TBC1D22B: variants seen among roughly 807,000 people sequenced by gnomAD.
TBC1D22B encodes TBC1 domain family member 22B.
TBC1D22B carries 32 observed loss-of-function variants against 69.1 expected under a neutral mutation model. The observed-to-expected ratio is 0.46, with a 90% CI of 0.35 to 0.62. The LOEUF (loss-of-function observed/expected upper bound fraction) is 0.62. Ranked by LOEUF, TBC1D22B falls within the 20% of genes least tolerant of loss-of-function variation. The probability of loss-of-function intolerance (pLI) is 0.00; values close to 1 mark genes in which losing one functional copy is unlikely to be tolerated. For missense variants in TBC1D22B, 462 were observed against 630.9 expected (o/e 0.73, Z 2.87); for synonymous variants, 206 against 229.8 (o/e 0.90, Z 0.94).
chr6:37,266,333 C>G (rs1007817228), intron 1 of TBC1D22B, among the ~76,000 whole-genome samples: 1 of 152,052 alleles, frequency 6.6e-6, no homozygotes, highest in Non-Finnish European at 1.5e-5. Context: ...GATACATAGA[C>G]CTAATCATAC....
In TBC1D22B at chr6:37,267,339, TA is replaced by T. The variant is rs1297519369; in HGVS notation, c.57-2253del. On this transcript the variant is annotated intron_variant, in intron 1 of 12. Transcript: ENST00000373491. ...ATATATATATACACACACACATATA[TA>T]ATATATATATACACACATATATAAT... 7.8e-3 allele frequency among the ~76,000 whole-genome samples: 1,065 copies of T among 136,610 alleles called. 38 individuals are homozygous for T. Among genetic ancestry groups the T allele is most frequent in the African/African-American group, 0.028 (911 of 32,792 alleles). The allele number at this position is 136,610 out of a possible 152,430, so 89.6% of individuals were successfully genotyped here.
intron 2 of TBC1D22B, among the ~76,000 whole-genome samples, chr6:37,277,323 G>C (rs146876730): frequency 1.8e-4 from 27 of 152,248 alleles, no homozygotes; most frequent in African/African-American, 6.5e-4. Flanking sequence ...GTTTGTTCTC[G>C]ACAGCGAATC....
intron 8 of TBC1D22B, among the ~76,000 whole-genome samples, chr6:37,296,851 C>T (rs1036174395): frequency 1.3e-5 from 2 of 149,764 alleles, no homozygotes; most frequent in African/African-American, 2.5e-5. Context: ...TTTTTTGAGA[C>T]AGTCTCACTC....
chr6:37,312,821 C>A, intron 8 of TBC1D22B, 97 bp from the exon 9 acceptor site: 1 of 973,408 alleles, frequency 1.0e-6, no homozygotes, highest in Non-Finnish European at 1.6e-6. Context: ...CTGGTCCTCA[C>A]TTGGCCTTAA....
intron 12 of TBC1D22B, among the ~76,000 whole-genome samples, chr6:37,322,265 C>T (rs1391345258): frequency 2.0e-5 from 3 of 152,166 alleles, no homozygotes; most frequent in Non-Finnish European, 2.9e-5. Context: ...AGGCCAGGCA[C>T]GGTGGCTTAT....
At chr6:37,304,935 G>A (rs1350744291) in intron 8 of TBC1D22B, among the ~76,000 whole-genome samples, 1 of 152,238 alleles carries the variant, frequency 6.6e-6, no homozygotes, top group East Asian at 1.9e-4. Context: ...GCAAGTGTGG[G>A]AGCAGGAGGC....
intron 8 of TBC1D22B, among the ~76,000 whole-genome samples, chr6:37,292,808 C>T (rs1767229039): frequency 6.6e-6 from 1 of 152,170 alleles, no homozygotes. Flanking sequence ...TCTTCACTTT[C>T]TTCAAGTGCC....
chr6:37,310,324 AAAG>A (rs1767865974), intron 8 of TBC1D22B, among the ~76,000 whole-genome samples: 4 of 151,790 alleles, frequency 2.6e-5, no homozygotes, highest in South Asian at 2.1e-4. Flanking sequence ...AAAATAATAA[AAAG>A]AATAATAGGA....
chr6:37,279,413 G>T lies in TBC1D22B; in HGVS notation c.223G>T (p.Asp75Tyr). The change falls in exon 3 of 13, where the codon GAT becomes TAT. Residue 75 changes from aspartate to tyrosine, a missense_variant. Asp to Tyr is a radical substitution (Grantham distance 160). Around this residue, in one of 2 missense-constraint regions of TBC1D22B, gnomAD observed 237 missense variants for 255.4 expected, o/e 0.93. Coordinates refer to ENST00000373491, the MANE Select transcript of TBC1D22B (RefSeq NM_017772.4). ...NTSDAWDIGDDEEEDFSSPSF... is the reference protein window; with the variant it reads ...NTSDAWDIGDYEEEDFSSPSF... ...CAGTGATGCTTGGGACATTGGCGATGATGAGGAAGAGGACTTTTCCTCACC... is the reference window on the plus strand; with the variant it reads ...CAGTGATGCTTGGGACATTGGCGATTATGAGGAAGAGGACTTTTCCTCACC... 1 of 1,614,198 alleles carries T rather than the reference G, an allele frequency of 6.2e-7. No homozygotes were observed. The highest frequency in any genetic ancestry group is 8.5e-7 in the Non-Finnish European group (1 of 1,180,032).
chr6:37,327,802 G>A (rs1768472356), intron 12 of TBC1D22B, among the ~76,000 whole-genome samples: 1 of 152,116 alleles, frequency 6.6e-6, no homozygotes. Context: ...CAACCATGGA[G>A]GGGAGAGTGG....
At chr6:37,331,018 T>C in intron 12 of TBC1D22B, 26 bp from the exon 13 acceptor site, 1 of 1,613,328 alleles carries the variant, frequency 6.2e-7, no homozygotes, top group Non-Finnish European at 8.5e-7. Flanking sequence ...TCTGGTATGA[T>C]ATAAAAGTCC....
intron 10 of TBC1D22B, among the ~76,000 whole-genome samples, chr6:37,315,611 C>T (rs970665575): frequency 9.9e-5 from 15 of 151,710 alleles, no homozygotes; most frequent in Admixed American, 2.0e-4. Context: ...GAGTCTTGCT[C>T]TGTCGCCCAG....
At chr6:37,258,021 C>T (rs1295047374) in intron 1 of TBC1D22B, 48 bp downstream of exon 1, 8 of 1,596,682 alleles carry the variant, frequency 5.0e-6, no homozygotes, top group East Asian at 2.3e-5. Context: ...CAAACCCTTC[C>T]AGATCCTAAT....
At chr6:37,287,113 A>G (rs781690284) in intron 7 of TBC1D22B, 41 bp downstream of exon 7, 13 of 1,540,042 alleles carry the variant, frequency 8.4e-6, no homozygotes, top group South Asian at 3.6e-5. Flanking sequence ...TTCTCCCCGC[A>G]TAGTTCTGTG....
intron 8 of TBC1D22B, among the ~76,000 whole-genome samples, chr6:37,297,459 A>T (rs1050272428): frequency 5.9e-5 from 9 of 152,200 alleles, no homozygotes; most frequent in African/African-American, 9.7e-5. Flanking sequence ...TTTAAGGTAG[A>T]TGTATCAAGC....
chr6:37,292,387 G>A (rs1767213789), intron 8 of TBC1D22B, among the ~76,000 whole-genome samples: 2 of 152,124 alleles, frequency 1.3e-5, no homozygotes, highest in Admixed American at 6.5e-5. Flanking sequence ...GGCTCAAAGG[G>A]ATGATGAGGT....
rs891061310 is a variant in TBC1D22B, at chr6:37,313,800, T to C, written c.1090-16T>C. Reference sequence around the variant, plus strand: ...GTTAGAGTCCATGTTCATCCTGGGCTCTGTGTCATTTGCAGGATAACTACA... The same window carrying C: ...GTTAGAGTCCATGTTCATCCTGGGCCCTGTGTCATTTGCAGGATAACTACA... On this transcript the variant is annotated splice_polypyrimidine_tract_variant and intron_variant, in intron 9 of 12. Transcript: ENST00000373491. 6 of 1,613,212 alleles carry C rather than the reference T, an allele frequency of 3.7e-6. No homozygotes were observed. The highest frequency in any genetic ancestry group is 5.1e-6 in the Non-Finnish European group (6 of 1,179,250).
At chr6:37,263,368 A>G (rs1766169270) in intron 1 of TBC1D22B, among the ~76,000 whole-genome samples, 1 of 152,272 alleles carries the variant, frequency 6.6e-6, no homozygotes, top group African/African-American at 2.4e-5. Flanking sequence ...AGCAAGATGT[A>G]GAAAGATATG....
chr6:37,291,411 T>C (rs982198143), intron 8 of TBC1D22B, 54 bp downstream of exon 8: 31 of 1,309,976 alleles, frequency 2.4e-5, no homozygotes, highest in Non-Finnish European at 2.8e-5. Flanking sequence ...TTATCTGCCG[T>C]CTGTCTGTTT....
Sources: gnomAD v4.1 joint callset for allele counts (sites outside exome capture counted in the v4.1 genomes callset) on GRCh38, gnomAD v4.1.1 for gene constraint, gnomAD v4.1.1 regional missense constraint, MANE v1.5 for transcripts, NCBI Gene and HGNC (gene_info 2026-07-23, HGNC 2026-07-21) for gene names.